UGT3A2: variants seen among roughly 807,000 people sequenced by gnomAD.
UGT3A2 encodes UDP glycosyltransferase family 3 member A2.
In UGT3A2, 32 loss-of-function variants were observed where a neutral mutation model predicts 39.8. That is an observed-to-expected ratio of 0.80 (90% CI 0.61 to 1.08). The LOEUF is 1.08. Ranked by LOEUF, UGT3A2 falls within the 50% of genes least tolerant of loss-of-function variation. The probability of loss-of-function intolerance (pLI) is 0.00; values close to 1 mark genes in which losing one functional copy is unlikely to be tolerated. For missense variants in UGT3A2, 611 were observed against 637.1 expected, an observed-to-expected ratio of 0.96 and a Z score of 0.44; for synonymous variants, 241 against 230.7, an observed-to-expected ratio of 1.04 and a Z score of -0.40.
At chr5:36,059,049 A>G (rs1287260) in intron 2 of UGT3A2, among the ~76,000 whole-genome samples, 86,669 of 152,064 alleles carry the variant, frequency 0.57, 29,162 homozygotes, top group Non-Finnish European at 0.75. Context: ...GGACTTGCAG[A>G]AACTAACAGG....
At chr5:36,052,611 C>A (rs1296002014) in intron 2 of UGT3A2, among the ~76,000 whole-genome samples, 4 of 152,068 alleles carry the variant, frequency 2.6e-5, no homozygotes, top group Non-Finnish European at 5.9e-5. Context: ...CCATGCAAGT[C>A]AGGACAATGA....
rs552271916 is a variant in UGT3A2 at position 36,041,561 on chromosome 5, T to C, written c.844-1853A>G. 3.3e-5 allele frequency among the ~76,000 whole-genome samples: 5 copies of C among 152,254 alleles called. No homozygotes were observed. The South Asian group carries it at 1.0e-3, about 32-fold the overall frequency. ...GGGAGAGAGAGAAACTCTGTTGGTA[T>C]ATGGGAAAGTAAGGGAAGAGAACCA... On this transcript the variant is annotated intron_variant, in intron 4 of 6. Coordinates refer to ENST00000282507, the MANE Select transcript of UGT3A2 (RefSeq NM_174914.4).
chr5:36,052,413 T>A lies in UGT3A2; in HGVS notation c.197-429A>T, dbSNP rs571578177. On this transcript the variant is annotated intron_variant, in intron 2 of 6. Transcript: ENST00000282507. ...TTCATTAATAGAGTAGTCCCCTACATCTCAACTTGCCTGCTTGGCCCCTTC... is the reference window on the plus strand; with the variant it reads ...TTCATTAATAGAGTAGTCCCCTACAACTCAACTTGCCTGCTTGGCCCCTTC... Among the ~76,000 whole-genome samples the A allele has an allele frequency of 2.0e-5, 3 of 152,158 alleles. No individual in the cohort carries two copies. The East Asian group carries it at 5.8e-4, about 29-fold the overall frequency.
Position 36,039,492 on chromosome 5 carries a change from GAGGA to G in UGT3A2, c.1056_1059del (p.Pro353ArgfsTer22). The G allele has an allele frequency of 6.2e-7, 1 of 1,614,094 alleles. No homozygotes were observed. The highest frequency in any genetic ancestry group is 1.1e-5 in the South Asian group (1 of 91,074). ...CAGCCCTTACCCAGGAGGTCACTCT[GAGGA>G]AGCCAGTCCACAATTTTCACATTTG... On this transcript the variant is annotated frameshift_variant, in exon 5 of 7. Coordinates refer to ENST00000282507, the MANE Select transcript of UGT3A2 (RefSeq NM_174914.4). LOFTEE classifies it high-confidence loss of function.
At chr5:36,055,514 G>C (rs1742483531) in intron 2 of UGT3A2, among the ~76,000 whole-genome samples, 1 of 152,168 alleles carries the variant, frequency 6.6e-6, no homozygotes. Context: ...TTACAGGTGT[G>C]AGCCACTGTG....
At chr5:36,048,747 A>C in intron 4 of UGT3A2, 142 bp downstream of exon 4, 1 of 1,220,392 alleles carries the variant, frequency 8.2e-7, no homozygotes, top group Non-Finnish European at 1.1e-6. Context: ...GAAACTCATC[A>C]CTTCCTTTAA....
At chr5:36,057,048 T>A (rs544427463) in intron 2 of UGT3A2, among the ~76,000 whole-genome samples, 1 of 152,338 alleles carries the variant, frequency 6.6e-6, no homozygotes, top group East Asian at 1.9e-4. Context: ...CGTGAATATC[T>A]CTTGAATATT....
At chr5:36,048,653 C>A (rs1320851697) in intron 4 of UGT3A2, among the ~76,000 whole-genome samples, 1 of 152,158 alleles carries the variant, frequency 6.6e-6, no homozygotes, top group East Asian at 1.9e-4. Context: ...TAGGGTGTGG[C>A]AAGAGAGGAG....
intron 5 of UGT3A2, 39 bp from the exon 6 acceptor site, chr5:36,038,055 G>A (rs1020802025): frequency 6.5e-7 from 1 of 1,542,866 alleles, no homozygotes; most frequent in African/African-American, 1.4e-5. Flanking sequence ...ACTTCAGGAT[G>A]AAAATTTCAA....
In UGT3A2 at chr5:36,039,698, T is replaced by C. The variant is rs770220265; in HGVS notation, c.854A>G (p.Asn285Ser). Residue 285 changes from asparagine (N) to serine (S), a missense_variant, in exon 5 of 7, where the codon AAC becomes AGC. By Grantham distance (46) the Asn-to-Ser change is conservative. Transcript: ENST00000282507. Reference protein sequence around the residue: ...PIKPVPQDLENFIAKFGDSGF... With the variant: ...PIKPVPQDLESFIAKFGDSGF... The stretch of plus-strand genomic sequence containing the variant: ...AGAGTCCCCAAACTTGGCAATGAAG[T>C]TCTCCAAGTCCTGGAGAAAGATTAC... The C allele has an allele frequency of 8.7e-5, 141 of 1,613,922 alleles. 2 individuals are homozygous for C. The East Asian group carries it at 3.1e-3, about 36-fold the overall frequency.
intron 1 of UGT3A2, among the ~76,000 whole-genome samples, chr5:36,065,100 C>A (rs1363274612): frequency 6.6e-6 from 1 of 152,064 alleles, no homozygotes; most frequent in Admixed American, 6.6e-5. Context: ...AAAAGAGGTA[C>A]AAGTTCCACG....
intron 2 of UGT3A2, among the ~76,000 whole-genome samples, chr5:36,055,279 G>A (rs948473178): frequency 1.3e-5 from 2 of 151,608 alleles, no homozygotes; most frequent in African/African-American, 4.9e-5. Flanking sequence ...ACCCACCCAG[G>A]CTGGAGTGCA....
chr5:36,044,639 G>C (rs1051380376), intron 4 of UGT3A2, among the ~76,000 whole-genome samples: 1 of 152,056 alleles, frequency 6.6e-6, no homozygotes. Context: ...AAAGTTGCAG[G>C]ATACAAAATC....
At chr5:36,039,806 C>CTG in intron 4 of UGT3A2, 98 bp from the exon 5 acceptor site, 1 of 857,118 alleles carries the variant, frequency 1.2e-6, no homozygotes, top group Non-Finnish European at 1.9e-6. Context: ...ACACAGTGCC[C>CTG]TGTCCTCACT....
chr5:36,037,648 G>C, intron 6 of UGT3A2, 149 bp downstream of exon 6: 1 of 774,128 alleles, frequency 1.3e-6, no homozygotes. Context: ...TCAGCTGTTG[G>C]CATCACACAC....
Position 36,051,736 on chromosome 5 carries a change from G to GTCCA in UGT3A2, c.311+130_311+133dup, listed in dbSNP as rs71863019. On this transcript the variant is annotated intron_variant, in intron 3 of 6. Transcript: ENST00000282507. ...TCTCCATCTATCAATCCATCCATCC[G>GTCCA]TCCATCCATCCATCCATCCATCCAT... 326 of 290,044 alleles carry GTCCA rather than the reference G, an allele frequency of 1.1e-3. 1 individual carries two copies. The highest frequency in any genetic ancestry group is 1.4e-3 in the African/African-American group (62 of 43,762). The allele number at this position is 290,044 out of a possible 1,614,324, so 18.0% of individuals were successfully genotyped here.
intron 4 of UGT3A2, among the ~76,000 whole-genome samples, chr5:36,043,572 A>C (rs1334176652): frequency 6.6e-6 from 1 of 151,982 alleles, no homozygotes; most frequent in East Asian, 1.9e-4. Context: ...AGATCAATGA[A>C]ATGAAAAGTT....
intron 2 of UGT3A2, among the ~76,000 whole-genome samples, chr5:36,057,537 C>CT (rs531092925): frequency 0.072 from 9,706 of 134,640 alleles, 435 homozygotes; most frequent in African/African-American, 0.13. Flanking sequence ...CTCTCTCTCT[C>CT]TTTTTTTTTT....
chr5:36,054,815 T>C (rs1356282152), intron 2 of UGT3A2, among the ~76,000 whole-genome samples: 2 of 152,240 alleles, frequency 1.3e-5, no homozygotes, highest in Non-Finnish European at 2.9e-5. Flanking sequence ...AGCTCTGCCA[T>C]CTGGGCTCAT....
Sources: gnomAD v4.1 joint callset for allele counts (sites outside exome capture counted in the v4.1 genomes callset) on GRCh38, gnomAD v4.1.1 for gene constraint, MANE v1.5 for transcripts, NCBI Gene and HGNC (gene_info 2026-07-23, HGNC 2026-07-21) for gene names.